The following NKX6-3 variants were observed in gnomAD, a reference collection of about 807,000 sequenced individuals.
NKX6-3 encodes the protein homeobox protein Nkx-6.3.
NKX6-3 carries 17 observed loss-of-function variants against 22.0 expected under a neutral mutation model. That is an observed-to-expected ratio of 0.77 (90% CI 0.53 to 1.16). The LOEUF (loss-of-function observed/expected upper bound fraction) is 1.16. NKX6-3 is among the 50% of genes most tolerant of loss of function. The pLI is 0.00. For synonymous variants in NKX6-3, 177 were observed against 167.2 expected, an observed-to-expected ratio of 1.06 and a Z score of -0.45; for missense variants, 363 against 359.0, an observed-to-expected ratio of 1.01 and a Z score of -0.09.
chr8:41,647,693 G>A (rs148955805), intron 2 of NKX6-3, among the ~76,000 whole-genome samples: 1 of 152,052 alleles, frequency 6.6e-6, no homozygotes, highest in Non-Finnish European at 1.5e-5. Flanking sequence ...GGCCAAATAC[G>A]GGGGGAGAGG....
chr8:41,647,332 A>T, intron 2 of NKX6-3: 1 of 1,576,024 alleles, frequency 6.3e-7, no homozygotes, highest in Non-Finnish European at 8.6e-7. Flanking sequence ...GCCTAGACCC[A>T]GGTGCCAGCT....
intron 2 of NKX6-3, 136 bp from the exon 3 acceptor site, chr8:41,646,830 A>C: frequency 7.7e-7 from 1 of 1,301,588 alleles, no homozygotes; most frequent in Non-Finnish European, 1.0e-6. Flanking sequence ...TTGGGGAAGG[A>C]CAATAAAATT....
At position 41,650,208 on chromosome 8, in the gene NKX6-3, C is replaced by T. The variant is rs1328159980; in HGVS notation, c.285G>A (p.Gly95=). The change falls in exon 1 of 3, where the codon GGG becomes GGA. Residue 95 remains glycine (G), a synonymous_variant. Transcript: ENST00000518699. ...SQGVYYSPQV[G]NFSKAGNEYP... is the part of the protein sequence containing the mutation. ...ACTCGTTCCCAGCCTTGGAAAAATT[C>T]CCTACCTGGGGGCTGTAGTAGACCC... 2.0e-6 allele frequency: 3 copies of T among 1,534,360 alleles called. No homozygotes were observed. The South Asian group carries it at 3.6e-5, about 18-fold the overall frequency.
chr8:41,646,211 C>G lies in NKX6-3; in HGVS notation c.*238G>C. On this transcript the variant is annotated 3_prime_UTR_variant, in exon 3 of 3. Coordinates refer to ENST00000518699, the MANE Select transcript of NKX6-3 (RefSeq NM_001364841.2). ...TCCAGGTCTCAGGAGTGCTGTGCCT[C>G]CCTCCTGGCCTCCTCCTCCCTTAGC... 1.7e-6 allele frequency: 1 copy of G among 604,714 alleles called. No homozygotes were observed. The highest frequency in any genetic ancestry group is 1.9e-5 in the African/African-American group (1 of 53,190). The allele number at this position is 604,714 out of a possible 1,614,324, so 37.5% of individuals were successfully genotyped here.
Position 41,647,968 on chromosome 8 carries a change from G to T in NKX6-3, c.552+98C>A, listed in dbSNP as rs527682288. The stretch of plus-strand genomic sequence containing the variant: ...CAGACACCAGGACAGCTGCCCTCTG[G>T]GGGGCTGCGTTGTGTGGCCACCTCT... On this transcript the variant is annotated intron_variant, in intron 2 of 2. Coordinates refer to ENST00000518699, the MANE Select transcript of NKX6-3 (RefSeq NM_001364841.2). 55 of 1,122,436 alleles carry T rather than the reference G, an allele frequency of 4.9e-5. 1 individual carries two copies. The highest frequency in any genetic ancestry group is 2.8e-4 in the Middle Eastern group (1 of 3,566). The allele number at this position is 1,122,436 out of a possible 1,614,324, so 69.5% of individuals were successfully genotyped here. A position where few individuals can be genotyped will look rare whatever the true frequency, so the allele number is the denominator to read the frequency against.
chr8:41,647,447 C>G, intron 2 of NKX6-3: 2 of 1,247,192 alleles, frequency 1.6e-6, no homozygotes, highest in South Asian at 1.5e-5. Context: ...TTCCCCGGGT[C>G]TATTTAGGGG....
In NKX6-3 at chr8:41,646,198, G is replaced by A; in HGVS notation, c.*251C>T. 1.7e-6 allele frequency: 1 copy of A among 589,000 alleles called. No individual in the cohort carries two copies. The highest frequency in any genetic ancestry group is 2.9e-5 in the East Asian group (1 of 34,356). The allele number at this position is 589,000 out of a possible 1,614,324, so 36.5% of individuals were successfully genotyped here. A position where few individuals can be genotyped will look rare whatever the true frequency, so the allele number is the denominator to read the frequency against. On this transcript the variant is annotated 3_prime_UTR_variant, in exon 3 of 3. Coordinates refer to ENST00000518699, the MANE Select transcript of NKX6-3 (RefSeq NM_001364841.2). ...AGGGGCAGCGGCTTCCAGGTCTCAG[G>A]AGTGCTGTGCCTCCCTCCTGGCCTC...
chr8:41,648,633 C>G (rs4736999), intron 1 of NKX6-3, among the ~76,000 whole-genome samples: 81,021 of 152,160 alleles, frequency 0.53, 21,669 homozygotes, highest in South Asian at 0.55. Flanking sequence ...TCCCTCCACC[C>G]CCGGCTTCCG....
At chr8:41,650,057 G>A in intron 1 of NKX6-3, 54 bp downstream of exon 1, 1 of 1,487,196 alleles carries the variant, frequency 6.7e-7, no homozygotes, top group Non-Finnish European at 8.9e-7. Flanking sequence ...CTCGTCCTCT[G>A]CCCCCCGGGG....
chr8:41,649,595 C>T (rs1172791515), intron 1 of NKX6-3, among the ~76,000 whole-genome samples: 1 of 152,148 alleles, frequency 6.6e-6, no homozygotes, highest in Non-Finnish European at 1.5e-5. Flanking sequence ...GCTAGAAACC[C>T]GAGGATGTGG....
Position 41,650,130 on chromosome 8 carries a change from G to T in NKX6-3, c.363C>A (p.Gly121=). Residue 121 remains glycine (G), a synonymous_variant, in exon 1 of 3, where the codon GGC becomes GGA. Coordinates refer to ENST00000518699, the MANE Select transcript of NKX6-3 (RefSeq NM_001364841.2). The stretch of plus-strand genomic sequence containing the variant: ...ACTCACTGTTGCTGCACTGCCGCCC[G>T]CCTCGCCAGTCTTGGCCCGTGTCCG... ...CWADTGQDWR[G]GRQCSNTPDP... is the part of the protein sequence containing the mutation. 6.5e-7 allele frequency: 1 copy of T among 1,535,188 alleles called. No individual in the cohort carries two copies. Among genetic ancestry groups the T allele is most frequent in the Non-Finnish European group, 8.7e-7 (1 of 1,146,444 alleles).
chr8:41,647,359 T>C (rs1804234303), intron 2 of NKX6-3: 1 of 1,555,666 alleles, frequency 6.4e-7, no homozygotes, highest in Admixed American at 2.0e-5. Context: ...GCTGCATCCT[T>C]AGGCCCGTCG....
At position 41,650,278 on chromosome 8, in the gene NKX6-3, G is replaced by C; in HGVS notation, c.215C>G (p.Ser72Cys). Residue 72 changes from serine to cysteine, a missense_variant, in exon 1 of 3, where the codon TCC becomes TGC. By Grantham distance (112) the Ser-to-Cys change is moderately radical. Transcript: ENST00000518699. ...AAAGCCTGCCACGTGGGGGTAGCCGGAGAGGAGGCTGTTGTTCGGCGCAGC... is the reference window on the plus strand; with the variant it reads ...AAAGCCTGCCACGTGGGGGTAGCCGCAGAGGAGGCTGTTGTTCGGCGCAGC... ...PVAAPNNSLLSGYPHVAGFGG... is the reference protein window; with the variant it reads ...PVAAPNNSLLCGYPHVAGFGG... 1 of 1,534,372 alleles carries C rather than the reference G, an allele frequency of 6.5e-7. No individual in the cohort carries two copies. Among genetic ancestry groups the C allele is most frequent in the Non-Finnish European group, 8.7e-7 (1 of 1,145,958 alleles).
At position 41,647,396 on chromosome 8, in the gene NKX6-3, G is replaced by A. The variant is rs199571334; in HGVS notation, c.552+670C>T. 8.0e-5 allele frequency: 121 copies of A among 1,519,910 alleles called. No individual in the cohort carries two copies. The Admixed American group carries it at 9.4e-4, about 12-fold the overall frequency. The allele number at this position is 1,519,910 out of a possible 1,614,324, so 94.2% of individuals were successfully genotyped here. A position where few individuals can be genotyped will look rare whatever the true frequency, so the allele number is the denominator to read the frequency against. On this transcript the variant is annotated intron_variant, in intron 2 of 2. Coordinates refer to ENST00000518699, the MANE Select transcript of NKX6-3 (RefSeq NM_001364841.2). ...CGAGTCACTGAGCCAGCATCAAAGTGGGGAAAGTTGCCCCCAGACTCTAAG... is the reference window on the plus strand; with the variant it reads ...CGAGTCACTGAGCCAGCATCAAAGTAGGGAAAGTTGCCCCCAGACTCTAAG...
chr8:41,646,350 C>T lies in NKX6-3; in HGVS notation c.*99G>A. ...CCCCTCATCCAAAGAAAGACTCAGT[C>T]CCTGCGCCCCCAGGAGCGTGGGGAA... On this transcript the variant is annotated 3_prime_UTR_variant, in exon 3 of 3. Coordinates refer to ENST00000518699, the MANE Select transcript of NKX6-3 (RefSeq NM_001364841.2). 1 of 1,458,236 alleles carries T rather than the reference C, an allele frequency of 6.9e-7. No homozygotes were observed. 90.3% of individuals were successfully genotyped at this position (1,458,236 alleles called of 1,614,324 possible). A position where few individuals can be genotyped will look rare whatever the true frequency, so the allele number is the denominator to read the frequency against.
In NKX6-3 at chr8:41,646,086, A is replaced by C; in HGVS notation, c.*363T>G. 1.5e-5 allele frequency: 4 copies of C among 261,464 alleles called. No individual in the cohort carries two copies. The highest frequency in any genetic ancestry group is 2.2e-5 in the Non-Finnish European group (3 of 138,696). The allele number at this position is 261,464 out of a possible 1,614,324, so 16.2% of individuals were successfully genotyped here. ...GTGGCATGTCTGGGACCCCACAGCC[A>C]GTTTCTTGGCTGCAGAGCCTGGTCA... On this transcript the variant is annotated 3_prime_UTR_variant, in exon 3 of 3. Coordinates refer to ENST00000518699, the MANE Select transcript of NKX6-3 (RefSeq NM_001364841.2).
Position 41,646,230 on chromosome 8 carries a change from C to G in NKX6-3, c.*219G>C, listed in dbSNP as rs1804196647. ...GTGCCTCCCTCCTGGCCTCCTCCTCCCTTAGCTAGGATGCCTGTCCCCTTT... is the reference window on the plus strand; with the variant it reads ...GTGCCTCCCTCCTGGCCTCCTCCTCGCTTAGCTAGGATGCCTGTCCCCTTT... On this transcript the variant is annotated 3_prime_UTR_variant, in exon 3 of 3. Transcript: ENST00000518699. The G allele has an allele frequency of 3.1e-6, 2 of 638,464 alleles. No individual in the cohort carries two copies. Among genetic ancestry groups the G allele is most frequent in the Admixed American group, 5.9e-5 (2 of 33,754 alleles). 39.5% of individuals were successfully genotyped at this position (638,464 alleles called of 1,614,324 possible).
rs1445441581 is a variant in NKX6-3 at position 41,650,100 on chromosome 8, C to T, written c.382+11G>A. 6.5e-7 allele frequency: 1 copy of T among 1,528,728 alleles called. No homozygotes were observed. The highest frequency in any genetic ancestry group is 2.4e-5 in the East Asian group (1 of 40,880). 94.7% of individuals were successfully genotyped at this position (1,528,728 alleles called of 1,614,324 possible). Reference sequence around the variant, plus strand: ...GGTGCCGGGAGGTGGCTGGGGAGGACCCGTACTCACTGTTGCTGCACTGCC... The same window carrying T: ...GGTGCCGGGAGGTGGCTGGGGAGGATCCGTACTCACTGTTGCTGCACTGCC... On this transcript the variant is annotated intron_variant, in intron 1 of 2. Coordinates refer to ENST00000518699, the MANE Select transcript of NKX6-3 (RefSeq NM_001364841.2).
At position 41,646,060 on chromosome 8, in the gene NKX6-3, A is replaced by C; in HGVS notation, c.*389T>G. 1 of 214,620 alleles carries C rather than the reference A, an allele frequency of 4.7e-6. No homozygotes were observed. Among genetic ancestry groups the C allele is most frequent in the Non-Finnish European group, 9.1e-6 (1 of 109,632 alleles). The allele number at this position is 214,620 out of a possible 1,614,324, so 13.3% of individuals were successfully genotyped here. ...CCCCCCGCCCCAACAGCTGGATCAC[A>C]GTGGCATGTCTGGGACCCCACAGCC... is the stretch of plus-strand genomic sequence containing the variant. On this transcript the variant is annotated 3_prime_UTR_variant, in exon 3 of 3. Transcript: ENST00000518699.
Sources: gnomAD v4.1 joint callset for allele counts (sites outside exome capture counted in the v4.1 genomes callset) on GRCh38, gnomAD v4.1.1 for gene constraint, MANE v1.5 for transcripts, NCBI Gene and HGNC (gene_info 2026-07-23, HGNC 2026-07-21) for gene names.